NPAS2: variants seen among roughly 807,000 people sequenced by gnomAD.
NPAS2 encodes neuronal PAS domain protein 2.
A neutral mutation model predicts 107.5 loss-of-function variants in NPAS2; 23 were observed. The observed-to-expected ratio is 0.21, with a 90% CI of 0.15 to 0.30. The LOEUF is 0.30. NPAS2 is among the 10% of genes least tolerant of loss of function. NPAS2 has a pLI of 1.00. For synonymous variants in NPAS2, 403 were observed against 417.5 expected, an observed-to-expected ratio of 0.97 and a Z score of 0.42; for missense variants, 756 against 1,043.3, an observed-to-expected ratio of 0.72 and a Z score of 3.79.
intron 1 of NPAS2, among the ~76,000 whole-genome samples, chr2:100,904,011 T>C (rs750591423): frequency 1.3e-5 from 2 of 152,102 alleles, no homozygotes; most frequent in Admixed American, 6.5e-5. Context: ...TCCTGGATTG[T>C]TACGTAATCT....
At chr2:100,995,287 AAGAC>A in intron 20 of NPAS2, 109 bp from the exon 21 acceptor site, 1 of 923,860 alleles carries the variant, frequency 1.1e-6, no homozygotes, top group East Asian at 2.6e-5. Flanking sequence ...CCCCCCAAGA[AAGAC>A]AGCCCTGTAG....
At chr2:100,878,420 T>C in intron 1 of NPAS2, 1 of 985,378 alleles carries the variant, frequency 1.0e-6, no homozygotes, top group Non-Finnish European at 1.2e-6. Context: ...CTTTCCAGCG[T>C]TGGACAAGGA....
At chr2:100,983,694 A>G (rs937571807) in intron 16 of NPAS2, 3 of 152,240 alleles carry the variant, frequency 2.0e-5, no homozygotes, top group Non-Finnish European at 2.9e-5. Context: ...ATTGACCAGA[A>G]AAAGGCTCGG....
At chr2:100,836,101 T>C (rs916253122) in intron 1 of NPAS2, among the ~76,000 whole-genome samples, 1 of 152,204 alleles carries the variant, frequency 6.6e-6, no homozygotes, top group Admixed American at 6.5e-5. Flanking sequence ...CAGGCTCTCT[T>C]TGCAGGATGG....
At chr2:100,986,313 C>G (rs950349208) in intron 16 of NPAS2, 2 of 152,232 alleles carry the variant, frequency 1.3e-5, no homozygotes, top group African/African-American at 2.4e-5. Context: ...ACCCATGAAA[C>G]AGATGCTTGA....
At chr2:100,971,786 G>A (rs1676583546) in intron 12 of NPAS2, among the ~76,000 whole-genome samples, 1 of 151,928 alleles carries the variant, frequency 6.6e-6, no homozygotes, top group Non-Finnish European at 1.5e-5. Context: ...AGGGAACCTT[G>A]GGGATCATCT....
intron 5 of NPAS2, 84 bp downstream of exon 5, chr2:100,937,926 G>A: frequency 3.6e-6 from 4 of 1,108,688 alleles, no homozygotes; most frequent in Admixed American, 1.7e-5. Context: ...GGAAGGTGGT[G>A]CAGGTGTCAG....
chr2:100,852,195 G>A (rs1450329744), intron 1 of NPAS2, among the ~76,000 whole-genome samples: 1 of 152,036 alleles, frequency 6.6e-6, no homozygotes, highest in Non-Finnish European at 1.5e-5. Context: ...AGGAGATCAA[G>A]ACCATCCTGG....
chr2:100,944,704 A>G lies in NPAS2; in HGVS notation c.364-3531A>G, dbSNP rs80064155. ...TACTAGCAAATACATGCAAGAGCCA[A>G]GCACAGTCTGGGGCCCTTTCTGTGT... On this transcript the variant is annotated intron_variant, in intron 5 of 20. Transcript: ENST00000335681. Among the ~76,000 whole-genome samples the G allele has an allele frequency of 5.9e-5, 9 of 152,340 alleles. No individual in the cohort carries two copies. In the East Asian group the frequency reaches 1.7e-3, roughly 29 times the overall value.
chr2:100,911,220 G>A (rs866077935), intron 2 of NPAS2, among the ~76,000 whole-genome samples: 26 of 152,056 alleles, frequency 1.7e-4, no homozygotes, highest in Admixed American at 9.8e-4. Flanking sequence ...AAAACATAGT[G>A]GCAAGAAAAT....
intron 1 of NPAS2, among the ~76,000 whole-genome samples, chr2:100,858,744 C>T (rs564789403): frequency 9.9e-5 from 15 of 152,172 alleles, no homozygotes; most frequent in African/African-American, 3.1e-4. Context: ...TCACCTTCTC[C>T]GTACTCTGAA....
intron 1 of NPAS2, among the ~76,000 whole-genome samples, chr2:100,863,081 C>T (rs1044763004): frequency 6.6e-6 from 1 of 152,224 alleles, no homozygotes; most frequent in African/African-American, 2.4e-5. Flanking sequence ...CACCTATCCT[C>T]TTGGTTAATC....
At chr2:100,835,458 G>A (rs1366052241) in intron 1 of NPAS2, among the ~76,000 whole-genome samples, 1 of 152,130 alleles carries the variant, frequency 6.6e-6, no homozygotes, top group Non-Finnish European at 1.5e-5. Flanking sequence ...CCAGTTTGGT[G>A]TCCGTGCTCG....
At chr2:100,941,055 A>G (rs1468518133) in intron 5 of NPAS2, among the ~76,000 whole-genome samples, 1 of 152,048 alleles carries the variant, frequency 6.6e-6, no homozygotes, top group Non-Finnish European at 1.5e-5. Flanking sequence ...GAGCCATTGT[A>G]AGGGGGATGA....
At chr2:100,880,525 C>T (rs1346521087) in intron 1 of NPAS2, among the ~76,000 whole-genome samples, 2 of 152,046 alleles carry the variant, frequency 1.3e-5, no homozygotes, top group African/African-American at 4.8e-5. Flanking sequence ...TGAAAGACGC[C>T]ATGGCAAAAG....
At chr2:100,828,637 A>G (rs1401934247) in intron 1 of NPAS2, among the ~76,000 whole-genome samples, 1 of 150,152 alleles carries the variant, frequency 6.7e-6, no homozygotes, top group Non-Finnish European at 1.5e-5. Context: ...TCCTAGCCCC[A>G]TTTACTGAAG....
chr2:100,887,467 T>C (rs960535567), intron 1 of NPAS2, among the ~76,000 whole-genome samples: 2 of 151,702 alleles, frequency 1.3e-5, no homozygotes, highest in Non-Finnish European at 2.9e-5. Context: ...GACGGAGAGG[T>C]GAGGGGAGAG....
At chr2:100,966,980 T>TAA (rs1334572731) in intron 10 of NPAS2, among the ~76,000 whole-genome samples, 1 of 152,110 alleles carries the variant, frequency 6.6e-6, no homozygotes, top group Non-Finnish European at 1.5e-5. Flanking sequence ...AGCTAATCAT[T>TAA]AAAACTGTAA....
Position 100,990,842 on chromosome 2 carries a change from C to G in NPAS2, c.2081C>G (p.Ser694Trp), listed in dbSNP as rs765698936. 3.7e-6 allele frequency: 6 copies of G among 1,614,146 alleles called. No individual in the cohort carries two copies. The highest frequency in any genetic ancestry group is 5.1e-6 in the Non-Finnish European group (6 of 1,180,032). Residue 694 changes from serine to tryptophan, a missense_variant, in exon 19 of 21, where the codon TCG becomes TGG. Ser to Trp is a radical substitution (Grantham distance 177). Transcript: ENST00000335681. ...GGGTCCTGTGACGCAAGGCAGCCCT[C>G]GGAAGTCAGCAGGACGGGACGGCAA... ...MPGSCDARQP[S>W]EVSRTGRQVK... is the part of the protein sequence containing the mutation.
Sources: allele counts gnomAD v4.1 joint callset (sites outside exome capture counted in the v4.1 genomes callset), GRCh38; gene constraint gnomAD v4.1.1; transcripts MANE v1.5; gene names NCBI Gene and HGNC (gene_info 2026-07-23, HGNC 2026-07-21).